Variants in CARMIL1 observed in about 807,000 individuals in gnomAD.
CARMIL1 encodes the protein F-actin-uncapping protein LRRC16A.
In CARMIL1, 90 loss-of-function variants were observed where a neutral mutation model predicts 177.1. The observed-to-expected ratio is 0.51, with a 90% CI of 0.43 to 0.61. The LOEUF is 0.61. Among genes scored for constraint, CARMIL1 ranks in the 20% least tolerant of loss-of-function variants. The pLI is 0.00. For missense variants in CARMIL1, 1,380 were observed against 1,667.0 expected (o/e 0.83, Z 3.00); for synonymous variants, 577 against 606.2 (o/e 0.95, Z 0.71).
chr6:25,540,164 T>C (rs935823814), intron 26 of CARMIL1, 86 bp downstream of exon 26: 30 of 1,238,544 alleles, frequency 2.4e-5, no homozygotes, highest in Non-Finnish European at 2.9e-5. Context: ...ATCTATGTTT[T>C]ATAGACTTGT....
At chr6:25,460,777 T>C (rs1800051952) in intron 8 of CARMIL1, among the ~76,000 whole-genome samples, 1 of 152,240 alleles carries the variant, frequency 6.6e-6, no homozygotes, top group African/African-American at 2.4e-5. Context: ...TTTTGGTTAG[T>C]GTATTGTCTG....
chr6:25,501,753 G>T lies in CARMIL1; in HGVS notation c.1395+1518G>T, dbSNP rs553580728. On this transcript the variant is annotated intron_variant, in intron 17 of 36. Transcript: ENST00000329474. ...CAGTATTTATGTCATACTATATTTT[G>T]TATTTCCCCTATCTCCTAGCAAAAT... 7.2e-5 allele frequency among the ~76,000 whole-genome samples: 11 copies of T among 152,100 alleles called. No individual in the cohort carries two copies. The East Asian group carries it at 1.9e-3, about 27-fold the overall frequency.
intron 2 of CARMIL1, among the ~76,000 whole-genome samples, chr6:25,337,851 C>T (rs1214688168): frequency 6.6e-6 from 1 of 152,132 alleles, no homozygotes; most frequent in Non-Finnish European, 1.5e-5. Context: ...TATTTTGGCT[C>T]AGTTAAAGAT....
intron 20 of CARMIL1, among the ~76,000 whole-genome samples, chr6:25,514,964 A>G (rs1805828946): frequency 6.6e-6 from 1 of 152,026 alleles, no homozygotes; most frequent in African/African-American, 2.4e-5. Flanking sequence ...AAGGGTGATG[A>G]TCAAAAAGAT....
At chr6:25,530,791 CT>C (rs548364997) in intron 24 of CARMIL1, among the ~76,000 whole-genome samples, 58 of 152,196 alleles carry the variant, frequency 3.8e-4, no homozygotes, top group African/African-American at 1.4e-3. Flanking sequence ...GTTATACAAG[CT>C]GAGAGAAAGT....
intron 5 of CARMIL1, among the ~76,000 whole-genome samples, chr6:25,436,416 A>T (rs1797236051): frequency 6.6e-6 from 1 of 152,244 alleles, no homozygotes; most frequent in Non-Finnish European, 1.5e-5. Flanking sequence ...AGACATGTGT[A>T]GCATGCTAGC....
chr6:25,437,853 T>C (rs780604981), intron 5 of CARMIL1, among the ~76,000 whole-genome samples: 2 of 152,230 alleles, frequency 1.3e-5, no homozygotes, highest in Non-Finnish European at 2.9e-5. Flanking sequence ...CTCCTTGTTT[T>C]CATTTCCACT....
chr6:25,371,162 G>A (rs1179620837), intron 2 of CARMIL1, among the ~76,000 whole-genome samples: 1 of 152,186 alleles, frequency 6.6e-6, no homozygotes, highest in African/African-American at 2.4e-5. Context: ...CCATTCATCA[G>A]TTGATGGGCA....
intron 16 of CARMIL1, among the ~76,000 whole-genome samples, chr6:25,499,342 G>A (rs1017282715): frequency 6.6e-6 from 1 of 152,176 alleles, no homozygotes; most frequent in Admixed American, 6.5e-5. Flanking sequence ...CTTGAGAGCA[G>A]GAACCATCTT....
At chr6:25,459,270 T>TTTCTTTCTCTTTCTTTC (rs1799896544) in intron 8 of CARMIL1, among the ~76,000 whole-genome samples, 1 of 21,214 alleles carries the variant, frequency 4.7e-5, no homozygotes, top group African/African-American at 1.3e-4. Context: ...TTCTTTCTTT[T>TTTCTTTCTCTTTCTTTC]TTTTTTTTTT....
intron 20 of CARMIL1, among the ~76,000 whole-genome samples, chr6:25,512,181 T>A (rs1170789842): frequency 6.6e-6 from 1 of 152,346 alleles, no homozygotes; most frequent in Admixed American, 6.5e-5. Context: ...TTTGTATTTT[T>A]ATGAAAAGTA....
At chr6:25,412,442 A>G (rs1794988074) in intron 2 of CARMIL1, among the ~76,000 whole-genome samples, 1 of 152,164 alleles carries the variant, frequency 6.6e-6, no homozygotes, top group African/African-American at 2.4e-5. Flanking sequence ...CTAGCTGGGC[A>G]TGGTGGCACA....
chr6:25,432,646 A>AT (rs1208688642), intron 4 of CARMIL1, among the ~76,000 whole-genome samples: 5 of 152,070 alleles, frequency 3.3e-5, no homozygotes, highest in Non-Finnish European at 7.4e-5. Flanking sequence ...ACCTGCTATG[A>AT]TTTTTTCTTG....
At chr6:25,483,651 C>T (rs1278518950) in intron 12 of CARMIL1, among the ~76,000 whole-genome samples, 22 of 139,128 alleles carry the variant, frequency 1.6e-4, no homozygotes, top group Non-Finnish European at 3.3e-4. Flanking sequence ...TACCATGCAT[C>T]CTATGCAGAT....
chr6:25,575,125 A>C (rs1812465613), intron 29 of CARMIL1, among the ~76,000 whole-genome samples: 1 of 152,206 alleles, frequency 6.6e-6, no homozygotes, highest in South Asian at 2.1e-4. Context: ...AGTAAGTAGC[A>C]GGTTCAGGAT....
At chr6:25,529,407 C>T (rs1197736543) in intron 24 of CARMIL1, among the ~76,000 whole-genome samples, 1 of 152,076 alleles carries the variant, frequency 6.6e-6, no homozygotes, top group Non-Finnish European at 1.5e-5. Context: ...CTTCTCTCTA[C>T]CCAGCTTTAC....
chr6:25,463,274 CT>C (rs752276355), intron 8 of CARMIL1, among the ~76,000 whole-genome samples: 18 of 152,092 alleles, frequency 1.2e-4, no homozygotes, highest in Middle Eastern at 6.8e-3. Flanking sequence ...GCATTTATAT[CT>C]TTTTTTATAT....
In CARMIL1 at chr6:25,376,369, C is replaced by T. The variant is rs575813902; in HGVS notation, c.139-43745C>T. ...TGCTGGGATTATAGGCATGAGCCAC[C>T]GTATCTGGCTGCCAGAATTATTTTT... On this transcript the variant is annotated intron_variant, in intron 2 of 36. Transcript: ENST00000329474. Among the ~76,000 whole-genome samples the T allele has an allele frequency of 2.8e-3, 423 of 152,300 alleles. 1 individual carries two copies. The highest frequency in any genetic ancestry group is 9.2e-3 in the African/African-American group (382 of 41,574).
rs1288315807 is a variant in CARMIL1, at chr6:25,586,956, G to C, written c.3006+5517G>C. 2.0e-5 allele frequency among the ~76,000 whole-genome samples: 3 copies of C among 150,164 alleles called. No individual in the cohort carries two copies. The East Asian group carries it at 6.0e-4, about 30-fold the overall frequency. On this transcript the variant is annotated intron_variant, in intron 31 of 36. Transcript: ENST00000329474. ...GATAGAGACCGTGGAGAGAGAGGAA[G>C]AGGGAGAGAGACCGTGGAGAGAGAG...
Sources: allele counts gnomAD v4.1 joint callset (sites outside exome capture counted in the v4.1 genomes callset), GRCh38; gene constraint gnomAD v4.1.1; transcripts MANE v1.5; gene names NCBI Gene and HGNC (gene_info 2026-07-23, HGNC 2026-07-21).